Variants in CAMTA1 observed in about 807,000 individuals in gnomAD.
The protein encoded by CAMTA1 is calmodulin-binding transcription activator 1.
In CAMTA1, 27 loss-of-function variants were observed where a neutral mutation model predicts 170.9. That is an observed-to-expected ratio of 0.16 (90% CI 0.12 to 0.22). The LOEUF is 0.22. Ranked by LOEUF, CAMTA1 falls within the 10% of genes least tolerant of loss-of-function variation. The probability of loss-of-function intolerance (pLI) is 1.00; values close to 1 mark genes in which losing one functional copy is unlikely to be tolerated. For synonymous variants in CAMTA1, 833 were observed against 891.5 expected (o/e 0.93, Z 1.17); for missense variants, 1,619 against 2,217.2 (o/e 0.73, Z 5.42).
rs2096785588 is a variant in CAMTA1 at position 7,738,304 on chromosome 1, T to C, written c.4004T>C (p.Val1335Ala). 6.2e-7 allele frequency: 1 copy of C among 1,613,974 alleles called. No homozygotes were observed. The highest frequency in any genetic ancestry group is 1.7e-5 in the Admixed American group (1 of 59,998). Reference protein sequence around the residue: ...DLYIGVSTVQVTGNPKGTSVG... With the variant: ...DLYIGVSTVQATGNPKGTSVG... ...TACATTGGTGTGTCTACAGTACAGG[T>C]GACTGGAAATCCGAAGGGGACCAGT... The change falls in exon 16 of 23, where the codon GTG becomes GCG. Residue 1335 changes from valine (V) to alanine (A), a missense_variant. Val to Ala is a moderately conservative substitution (Grantham distance 64). Coordinates refer to ENST00000303635, the MANE Select transcript of CAMTA1 (RefSeq NM_015215.4). This position sits in a 1 kb window ranked among gnomAD's most constrained non-coding sequence, Gnocchi z 4.9.
intron 6 of CAMTA1, among the ~76,000 whole-genome samples, chr1:7,521,860 T>G (rs978293764): frequency 2.6e-5 from 4 of 152,252 alleles, no homozygotes; most frequent in Admixed American, 2.6e-4. Context: ...AGTTCCTTCC[T>G]TTTTATTTCT....
chr1:6,982,383 C>T (rs913891022), intron 3 of CAMTA1, among the ~76,000 whole-genome samples: 5 of 152,192 alleles, frequency 3.3e-5, no homozygotes, highest in Non-Finnish European at 1.5e-5. Context: ...CCCATGCTGG[C>T]CACAGGCAAT....
At position 6,868,384 on chromosome 1, in the gene CAMTA1, A is replaced by C. The variant is rs370799729; in HGVS notation, c.234+43174A>C. Among the ~76,000 whole-genome samples, 3 of 151,548 alleles carry C rather than the reference A, an allele frequency of 2.0e-5. No homozygotes were observed. The East Asian group carries it at 5.8e-4, about 29-fold the overall frequency. ...CTGTATAGGGTTAAAAAACGACTGT[A>C]TAGGGTTTTATTTTAATGGGTTTCT... On this transcript the variant is annotated intron_variant, in intron 3 of 22. Coordinates refer to ENST00000303635, the MANE Select transcript of CAMTA1 (RefSeq NM_015215.4).
At position 7,341,393 on chromosome 1, in the gene CAMTA1, C is replaced by T. The variant is rs550399039; in HGVS notation, c.438+91767C>T. 1.9e-4 allele frequency among the ~76,000 whole-genome samples: 29 copies of T among 152,354 alleles called. No individual in the cohort carries two copies. In the East Asian group the frequency reaches 5.0e-3, roughly 26 times the overall value. Reference sequence around the variant, plus strand: ...TGCAGCCTGAGAAGAATGAGACACCCGCCAGGAGGTGGGGCACAGCTGTCA... The same window carrying T: ...TGCAGCCTGAGAAGAATGAGACACCTGCCAGGAGGTGGGGCACAGCTGTCA... On this transcript the variant is annotated intron_variant, in intron 5 of 22. Coordinates refer to ENST00000303635, the MANE Select transcript of CAMTA1 (RefSeq NM_015215.4).
At position 7,697,080 on chromosome 1, in the gene CAMTA1, A is replaced by G. The variant is rs1325170398; in HGVS notation, c.2914+19347A>G. Among the ~76,000 whole-genome samples, 3 of 152,186 alleles carry G rather than the reference A, an allele frequency of 2.0e-5. No homozygotes were observed. In the East Asian group the frequency reaches 5.8e-4, roughly 29 times the overall value. The stretch of plus-strand genomic sequence containing the variant: ...TGGGATTACTCAATCTGCCTAGGGC[A>G]TCCTGGCCAACTCCCTCACACAGCT... On this transcript the variant is annotated intron_variant, in intron 11 of 22. Coordinates refer to ENST00000303635, the MANE Select transcript of CAMTA1 (RefSeq NM_015215.4).
At position 7,732,424 on chromosome 1, in the gene CAMTA1, A is replaced by G. The variant is rs778143631; in HGVS notation, c.2915-24A>G. 13 of 1,605,236 alleles carry G rather than the reference A, an allele frequency of 8.1e-6. No homozygotes were observed. In the African/African-American group the frequency reaches 1.3e-4, roughly 17 times the overall value. On this transcript the variant is annotated intron_variant, in intron 11 of 22. Coordinates refer to ENST00000303635, the MANE Select transcript of CAMTA1 (RefSeq NM_015215.4). This position sits in a 1 kb window ranked among gnomAD's most constrained non-coding sequence, Gnocchi z 4.1. ...TGCTTTTCTTCCAGAACACAACCTC[A>G]CTCTTCCTCCTGCTCTGCCCTAGAT...
Position 6,919,904 on chromosome 1 carries a change from C to G in CAMTA1, c.234+94694C>G, listed in dbSNP as rs180942028. On this transcript the variant is annotated intron_variant, in intron 3 of 22. Coordinates refer to ENST00000303635, the MANE Select transcript of CAMTA1 (RefSeq NM_015215.4). ...TCAGTCATCTCCCACTGGGTCCCCC[C>G]CATAACACGTGGGAATTATGGGAGC... Among the ~76,000 whole-genome samples, 1,011 of 152,130 alleles carry G rather than the reference C, an allele frequency of 6.6e-3. 5 individuals carry two copies. Among genetic ancestry groups the G allele is most frequent in the Non-Finnish European group, 0.011 (731 of 68,006 alleles).
At chr1:6,859,970 T>G (rs1664042149) in intron 3 of CAMTA1, among the ~76,000 whole-genome samples, 1 of 152,222 alleles carries the variant, frequency 6.6e-6, no homozygotes, top group Non-Finnish European at 1.5e-5. Context: ...CTTTGTATAT[T>G]CCTGCAATTT....
chr1:7,276,303 A>ATATATTTTTTTTTTTTTTTTTT, intron 5 of CAMTA1, among the ~76,000 whole-genome samples: 3 of 24,232 alleles, frequency 1.2e-4, no homozygotes, highest in African/African-American at 3.0e-4. Context: ...ATATATATAT[A>ATATATTTTTTTTTTTTTTTTTT]TTTTTTTTTT....
intron 3 of CAMTA1, among the ~76,000 whole-genome samples, chr1:6,904,914 A>G (rs1301272458): frequency 6.6e-6 from 1 of 151,754 alleles, no homozygotes; most frequent in Non-Finnish European, 1.5e-5. Context: ...TTCGTATTGC[A>G]CGCTGAACAC....
At chr1:7,533,155 C>T (rs975987789) in intron 6 of CAMTA1, among the ~76,000 whole-genome samples, 3 of 152,150 alleles carry the variant, frequency 2.0e-5, no homozygotes, top group Non-Finnish European at 2.9e-5. Flanking sequence ...CTCCCTCCAG[C>T]GTCCCCAGTC....
intron 14 of CAMTA1, 40 bp downstream of exon 14, chr1:7,737,049 C>G (rs1240873333): frequency 7.3e-6 from 11 of 1,511,638 alleles, no homozygotes; most frequent in Non-Finnish European, 1.0e-5. Context: ...TGCTGTTCTT[C>G]CAGTCTGGCA....
At chr1:6,836,942 T>C (rs1157739021) in intron 3 of CAMTA1, among the ~76,000 whole-genome samples, 2 of 147,366 alleles carry the variant, frequency 1.4e-5, no homozygotes, top group Middle Eastern at 3.2e-3. Flanking sequence ...CTGAAGGAGT[T>C]CTTTTTTTTT....
chr1:7,269,359 A>C (rs2149392384), intron 5 of CAMTA1, among the ~76,000 whole-genome samples: 1 of 152,366 alleles, frequency 6.6e-6, no homozygotes, highest in Non-Finnish European at 1.5e-5. Context: ...TTGCTTCATC[A>C]AAGAGTGCAA....
chr1:7,128,498 G>A (rs1283365331), intron 4 of CAMTA1, among the ~76,000 whole-genome samples: 1 of 152,238 alleles, frequency 6.6e-6, no homozygotes, highest in Non-Finnish European at 1.5e-5. Flanking sequence ...GGTAGCAACA[G>A]AAACAGGGTT....
At chr1:7,699,420 G>A (rs1158611225) in intron 11 of CAMTA1, among the ~76,000 whole-genome samples, 1 of 152,082 alleles carries the variant, frequency 6.6e-6, no homozygotes, top group Non-Finnish European at 1.5e-5. Context: ...CACTTAGCAT[G>A]ATGTTTTTAA....
intron 19 of CAMTA1, 79 bp from the exon 20 acceptor site, chr1:7,751,120 C>A: frequency 8.6e-7 from 1 of 1,158,188 alleles, no homozygotes; most frequent in Non-Finnish European, 1.3e-6. Flanking sequence ...CTCTTCTTCC[C>A]TTCCCGGTAA....
At chr1:7,024,472 G>A (rs1191196934) in intron 3 of CAMTA1, among the ~76,000 whole-genome samples, 1 of 152,238 alleles carries the variant, frequency 6.6e-6, no homozygotes, top group Non-Finnish European at 1.5e-5. Flanking sequence ...ATTTTAGTAT[G>A]TCTTCCTAAA....
At position 7,744,875 on chromosome 1, in the gene CAMTA1, C is replaced by T. The variant is rs1435279555; in HGVS notation, c.4223C>T (p.Thr1408Ile). Residue 1408 changes from threonine (T) to isoleucine (I), a missense_variant, in exon 17 of 23, where the codon ACA becomes ATA. Coordinates refer to ENST00000303635, the MANE Select transcript of CAMTA1 (RefSeq NM_015215.4). ...MTLAEHIIEATPDRIKQENFV... is the reference protein window; with the variant it reads ...MTLAEHIIEAIPDRIKQENFV... ...TTGGCAGAACACATTATTGAAGCCA[C>T]ACCTGACCGAATCAAGCAGGAGAAT... The T allele has an allele frequency of 2.5e-6, 4 of 1,614,070 alleles. No homozygotes were observed. Among genetic ancestry groups the T allele is most frequent in the Non-Finnish European group, 2.5e-6 (3 of 1,179,992 alleles).
Sources: allele counts gnomAD v4.1 joint callset (sites outside exome capture counted in the v4.1 genomes callset), GRCh38; gene constraint gnomAD v4.1.1; non-coding constraint Gnocchi (gnomAD v3.1); transcripts MANE v1.5; gene names NCBI Gene and HGNC (gene_info 2026-07-23, HGNC 2026-07-21).